Variants in CLEC12A observed in about 807,000 individuals in gnomAD.
CLEC12A encodes C-type lectin domain family 12 member A.
CLEC12A carries 22 observed loss-of-function variants against 26.5 expected under a neutral mutation model. The ratio of observed to expected loss-of-function variants is 0.83; its 90% CI spans 0.59 to 1.19. The LOEUF (loss-of-function observed/expected upper bound fraction) is 1.19. CLEC12A is among the 50% of genes most tolerant of loss of function. The pLI, the probability that CLEC12A is intolerant of heterozygous loss-of-function variation, is 0.00. For synonymous variants in CLEC12A, 119 were observed against 101.9 expected, an observed-to-expected ratio of 1.17 and a Z score of -1.01; for missense variants, 353 against 315.6, an observed-to-expected ratio of 1.12 and a Z score of -0.90.
chr12:9,958,823 G>A (rs1863784023), intron 1 of CLEC12A, among the ~76,000 whole-genome samples: 1 of 152,022 alleles, frequency 6.6e-6, no homozygotes, highest in South Asian at 2.1e-4. Flanking sequence ...GACAAGATAG[G>A]GTAATCACCC....
At chr12:9,990,232 C>T (rs1028248134), downstream of CLEC12A, among the ~76,000 whole-genome samples, 6 of 152,124 alleles carry the variant, frequency 3.9e-5, no homozygotes, top group Non-Finnish European at 2.9e-5. Context: ...CATCATAAGG[C>T]TATAACTCCC....
chr12:9,977,607 A>G (rs1054634393), intron 1 of CLEC12A, among the ~76,000 whole-genome samples: 7 of 152,162 alleles, frequency 4.6e-5, no homozygotes, highest in Admixed American at 2.0e-4. Flanking sequence ...GCTGGTTCCT[A>G]TTCATAAGAT....
At chr12:9,952,338 AC>A (rs1863632673) in intron 1 of CLEC12A, among the ~76,000 whole-genome samples, 1 of 145,834 alleles carries the variant, frequency 6.9e-6, no homozygotes, top group Non-Finnish European at 1.5e-5. Context: ...GGCACGCACC[AC>A]CACGCCTGAC....
intron 5 of CLEC12A, among the ~76,000 whole-genome samples, chr12:9,984,400 A>G (rs1280826913): frequency 2.0e-5 from 3 of 152,166 alleles, no homozygotes; most frequent in African/African-American, 4.8e-5. Flanking sequence ...AGAACTTCAG[A>G]GTAAAATCTT....
At chr12:9,966,855 G>A (rs71441775), upstream of CLEC12A, among the ~76,000 whole-genome samples, 2,738 of 64,974 alleles carry the variant, frequency 0.042, 171 homozygotes, top group East Asian at 0.078. Flanking sequence ...GCTGTAAAGC[G>A]TCTCAGGGTT....
intron 1 of CLEC12A, among the ~76,000 whole-genome samples, chr12:9,954,353 G>T (rs1214554405): frequency 6.6e-6 from 1 of 151,984 alleles, no homozygotes; most frequent in African/African-American, 2.4e-5. Flanking sequence ...ATATTAGCTG[G>T]GTGTAATGGT....
downstream of CLEC12A, chr12:9,997,074 C>G: frequency 6.2e-7 from 1 of 1,609,050 alleles, no homozygotes; most frequent in Non-Finnish European, 8.5e-7. Context: ...TCAATGTTTT[C>G]TGCAGATCTC....
chr12:9,958,428 G>A (rs1319237754), intron 1 of CLEC12A, among the ~76,000 whole-genome samples: 2 of 152,188 alleles, frequency 1.3e-5, no homozygotes, highest in Non-Finnish European at 2.9e-5. Flanking sequence ...TAAATGCCAA[G>A]TGGAGCACTC....
At chr12:9,998,644 T>TTTTTG (rs71049030), downstream of CLEC12A, among the ~76,000 whole-genome samples, 67,568 of 145,646 alleles carry the variant, frequency 0.46, 16,018 homozygotes, top group East Asian at 0.66. Context: ...GTGTTTGTAT[T>TTTTTG]TTTTGTTTTG....
At chr12:9,972,061 T>TG (rs77858080) in intron 1 of CLEC12A, among the ~76,000 whole-genome samples, 568 of 30,162 alleles carry the variant, frequency 0.019, 3 homozygotes, top group Admixed American at 0.053. Flanking sequence ...TGTGTGTGTG[T>TG]TTTTTTTTTT....
chr12:9,996,372 A>G (rs1373939319), downstream of CLEC12A, among the ~76,000 whole-genome samples: 2 of 152,222 alleles, frequency 1.3e-5, no homozygotes, highest in African/African-American at 2.4e-5. Context: ...ACTAATACAA[A>G]TTAAGGATAT....
rs766697200 is a variant in CLEC12A, at chr12:9,980,622, T to G, written c.420T>G (p.His140Gln). 1.2e-6 allele frequency: 2 copies of G among 1,613,766 alleles called. No homozygotes were observed. Among genetic ancestry groups the G allele is most frequent in the Admixed American group, 3.3e-5 (2 of 59,962 alleles). The change falls in exon 4 of 6, where the codon CAT becomes CAG. Residue 140 changes from histidine to glutamine, a missense_variant. Coordinates refer to ENST00000304361, the MANE Select transcript of CLEC12A (RefSeq NM_138337.6). ...CTTGTCCAAGGAGATGGATTTGGCA[T>G]AAGGACAGCTGTTATTTCCTAAGTG... is the stretch of plus-strand genomic sequence containing the variant. ...CKPCPRRWIW[H>Q]KDSCYFLSDD...
intron 3 of CLEC12A, 144 bp downstream of exon 3, chr12:9,979,668 T>C: frequency 1.6e-6 from 1 of 631,024 alleles, no homozygotes; most frequent in South Asian, 2.6e-5. Flanking sequence ...TGATGGAGAA[T>C]TCATTGATAT....
At chr12:9,967,057 C>T (rs202039577), upstream of CLEC12A, among the ~76,000 whole-genome samples, 81,828 of 150,198 alleles carry the variant, frequency 0.54, 22,626 homozygotes, top group South Asian at 0.72. Flanking sequence ...TAAGCTGGGC[C>T]AGGTGTGAGG....
Position 9,992,762 on chromosome 12 carries a change from T to G in CLEC12A, n.1005-2256T>G, listed in dbSNP as rs547363788. On this transcript the variant is annotated intron_variant and non_coding_transcript_variant, in intron 4 of 4. Coordinates refer to the CLEC12A transcript ENST00000449959. ...TACACCGCCTTTCAAACTTAGATAT[T>G]TTGGACAGATTTCAAACATAGATAT... 77 of 161,892 alleles carry G rather than the reference T, an allele frequency of 4.8e-4. No homozygotes were observed. The South Asian group carries it at 0.014, about 30-fold the overall frequency. 10.0% of individuals were successfully genotyped at this position (161,892 alleles called of 1,614,324 possible). A position where few individuals can be genotyped will look rare whatever the true frequency, so the allele number is the denominator to read the frequency against.
chr12:9,953,651 C>G (rs1320765580), intron 1 of CLEC12A, among the ~76,000 whole-genome samples: 1 of 151,348 alleles, frequency 6.6e-6, no homozygotes, highest in Admixed American at 6.6e-5. Context: ...TCTGCCCGGC[C>G]GCCCCTACTG....
At chr12:9,978,656 T>C (rs1565558800) in intron 1 of CLEC12A, among the ~76,000 whole-genome samples, 1 of 152,216 alleles carries the variant, frequency 6.6e-6, no homozygotes, top group African/African-American at 2.4e-5. Context: ...TATATCTAGG[T>C]TGACTGGTTT....
At chr12:10,000,286 G>A (rs1435358542), downstream of CLEC12A, among the ~76,000 whole-genome samples, 5 of 152,136 alleles carry the variant, frequency 3.3e-5, no homozygotes, top group South Asian at 2.1e-4. Flanking sequence ...GGCATAGCCC[G>A]TAGATTTTTT....
At chr12:9,994,617 G>A (rs1043563444) in intron 4 of CLEC12A, among the ~76,000 whole-genome samples, 5 of 151,998 alleles carry the variant, frequency 3.3e-5, no homozygotes, top group African/African-American at 4.8e-5. Flanking sequence ...ACAAAGCTTC[G>A]TTAATGGACA....
Sources: gnomAD v4.1 joint callset for allele counts (sites outside exome capture counted in the v4.1 genomes callset) on GRCh38, gnomAD v4.1.1 for gene constraint, MANE v1.5 for transcripts, NCBI Gene and HGNC (gene_info 2026-07-23, HGNC 2026-07-21) for gene names.